NBAS: variants seen among roughly 807,000 people sequenced by gnomAD.
NBAS encodes NBAS subunit of NRZ tethering complex, also known as NAG/BC035112 fusion.
In NBAS, 219 loss-of-function variants were observed where a neutral mutation model predicts 302.5. The observed-to-expected ratio is 0.72, with a 90% CI of 0.65 to 0.81. NBAS has a LOEUF of 0.81. NBAS is among the 30% of genes least tolerant of loss of function. NBAS has a pLI of 0.00. For synonymous variants in NBAS, 1,118 were observed against 1,021.6 expected (o/e 1.09, Z -1.80); for missense variants, 2,932 against 2,841.6 (o/e 1.03, Z -0.72).
At chr2:14,949,859 G>A in the NBAS span, among the ~76,000 whole-genome samples, 1 of 152,170 alleles carries the variant, frequency 6.6e-6, no homozygotes, top group South Asian at 2.1e-4. Flanking sequence ...CATGAAGATA[G>A]AAAGTAGATT....
chr2:15,397,457 T>C (rs774524227), intron 26 of NBAS: 7 of 488,704 alleles, frequency 1.4e-5, no homozygotes, highest in Middle Eastern at 6.4e-4. Context: ...TGGTGGGGGT[T>C]GTGGGGCAGC....
intron 22 of NBAS, 102 bp from the exon 23 acceptor site, chr2:15,424,570 G>A: frequency 7.6e-7 from 1 of 1,321,428 alleles, no homozygotes; most frequent in Non-Finnish European, 1.1e-6. Flanking sequence ...GAAAGTAAGA[G>A]ACAGGGAGCA....
intron 7 of NBAS, chr2:15,538,281 T>C: frequency 2.6e-6 from 1 of 390,886 alleles, no homozygotes; most frequent in South Asian, 2.1e-5. Flanking sequence ...TAGCCAGAAA[T>C]AGTCTAGAAA....
intron 48 of NBAS, among the ~76,000 whole-genome samples, chr2:15,217,017 G>C (rs1275873487): frequency 1.3e-5 from 2 of 152,168 alleles, no homozygotes; most frequent in Non-Finnish European, 2.9e-5. Flanking sequence ...ACCTAATTTA[G>C]GGTTTTCCCC....
intron 11 of NBAS, among the ~76,000 whole-genome samples, chr2:15,497,028 A>C (rs1459242182): frequency 1.3e-5 from 2 of 152,096 alleles, no homozygotes; most frequent in East Asian, 3.9e-4. Flanking sequence ...AATAAGGTAA[A>C]ACCATTCCCA....
chr2:14,903,340 A>T, the NBAS span, among the ~76,000 whole-genome samples: 31 of 146,150 alleles, frequency 2.1e-4, no homozygotes, highest in African/African-American at 7.6e-4. Context: ...AAAAAAAAAA[A>T]AGAAAGAAAC....
chr2:14,987,628 A>T, the NBAS span, among the ~76,000 whole-genome samples: 1 of 152,144 alleles, frequency 6.6e-6, no homozygotes, highest in Admixed American at 6.5e-5. Context: ...ATCAAACAAA[A>T]AGGAAGCACT....
intron 38 of NBAS, among the ~76,000 whole-genome samples, chr2:15,310,382 G>T (rs1429936822): frequency 6.6e-6 from 1 of 152,072 alleles, no homozygotes; most frequent in Non-Finnish European, 1.5e-5. Context: ...GAACCAAATG[G>T]ACCACCAGTC....
In NBAS at chr2:15,328,353, G is replaced by C. The variant is rs757647989; in HGVS notation, c.4348-41C>G. ...GTACAGAACAATGGATAAAAAGAAA[G>C]AGAAGGCAAGGAGGTAGAAGAAGTA... On this transcript the variant is annotated intron_variant, in intron 36 of 51. Transcript: ENST00000281513. The C allele has an allele frequency of 2.0e-6, 3 of 1,505,140 alleles. No individual in the cohort carries two copies. In the East Asian group the frequency reaches 6.8e-5, roughly 34 times the overall value. 93.2% of individuals were successfully genotyped at this position (1,505,140 alleles called of 1,614,324 possible).
At chr2:14,940,425 C>T in the NBAS span, among the ~76,000 whole-genome samples, 8 of 152,188 alleles carry the variant, frequency 5.3e-5, no homozygotes, top group East Asian at 1.5e-3. Context: ...CTGAGGCTTC[C>T]TCAGATCAAC....
intron 47 of NBAS, among the ~76,000 whole-genome samples, chr2:15,220,133 A>G (rs1481392597): frequency 9.3e-6 from 1 of 107,014 alleles, no homozygotes; most frequent in African/African-American, 3.7e-5. Flanking sequence ...CGGGGGGCTG[A>G]CCCCCCCACC....
At chr2:15,344,772 T>C (rs906162172) in intron 35 of NBAS, among the ~76,000 whole-genome samples, 2 of 152,142 alleles carry the variant, frequency 1.3e-5, no homozygotes, top group African/African-American at 4.8e-5. Flanking sequence ...AATAAAACAC[T>C]GGCAAACCGA....
chr2:14,861,774 C>A, the NBAS span, among the ~76,000 whole-genome samples: 1 of 142,102 alleles, frequency 7.0e-6, no homozygotes, highest in Non-Finnish European at 1.5e-5. Flanking sequence ...TTCACAATAT[C>A]AGCGTCACTC....
chr2:15,219,646 G>A (rs1291370928), intron 47 of NBAS, among the ~76,000 whole-genome samples: 1 of 139,242 alleles, frequency 7.2e-6, no homozygotes, highest in Non-Finnish European at 1.5e-5. Flanking sequence ...TGGGGATAAG[G>A]TCACAGATCA....
chr2:15,409,269 T>C (rs953488358), intron 25 of NBAS, among the ~76,000 whole-genome samples: 14 of 152,216 alleles, frequency 9.2e-5, no homozygotes, highest in African/African-American at 3.1e-4. Flanking sequence ...CATCTAAATA[T>C]AGGCTGAACT....
chr2:15,305,619 T>A (rs1434037472), intron 40 of NBAS, among the ~76,000 whole-genome samples: 1 of 152,026 alleles, frequency 6.6e-6, no homozygotes, highest in Non-Finnish European at 1.5e-5. Context: ...GCCCAGCTAA[T>A]TTTTATATTT....
intron 39 of NBAS, 112 bp downstream of exon 39, chr2:15,309,046 TAAATAAAAGAAAA>T: frequency 2.4e-6 from 1 of 425,270 alleles, no homozygotes. Flanking sequence ...AATAAATAAA[TAAATAAAAGAAAA>T]AAAAGAAACA....
At chr2:15,557,453 A>G (rs1664701880) in intron 2 of NBAS, among the ~76,000 whole-genome samples, 2 of 152,040 alleles carry the variant, frequency 1.3e-5, no homozygotes, top group Non-Finnish European at 2.9e-5. Context: ...TCTACAATGA[A>G]TTTTTATTAT....
intron 51 of NBAS, among the ~76,000 whole-genome samples, chr2:15,176,974 G>C (rs577990060): frequency 6.6e-6 from 1 of 152,310 alleles, no homozygotes; most frequent in African/African-American, 2.4e-5. Context: ...AGGTCTTTTT[G>C]TGGGACACAT....
Sources: gnomAD v4.1 joint callset for allele counts (sites outside exome capture counted in the v4.1 genomes callset) on GRCh38, gnomAD v4.1.1 for gene constraint, MANE v1.5 for transcripts, NCBI Gene and HGNC (gene_info 2026-07-23, HGNC 2026-07-21) for gene names.